The following PTH2R variants were observed in gnomAD, a reference collection of about 807,000 sequenced individuals.
PTH2R encodes PTH2 receptor.
In PTH2R, 59 loss-of-function variants were observed where a neutral mutation model predicts 60.3. The ratio of observed to expected loss-of-function variants is 0.98; its 90% CI spans 0.79 to 1.22. PTH2R has a LOEUF of 1.22. Among genes scored for constraint, PTH2R ranks in the 50% most tolerant of loss-of-function variants. The probability of loss-of-function intolerance (pLI) is 0.00; values close to 1 mark genes in which losing one functional copy is unlikely to be tolerated. For synonymous variants in PTH2R, 256 were observed against 243.8 expected, an observed-to-expected ratio of 1.05 and a Z score of -0.47; for missense variants, 749 against 682.6, an observed-to-expected ratio of 1.10 and a Z score of -1.08.
At chr2:208,370,736 C>T (rs926335639) in intron 1 of PTH2R, among the ~76,000 whole-genome samples, 3 of 151,976 alleles carry the variant, frequency 2.0e-5, no homozygotes, top group Admixed American at 6.5e-5. Context: ...AGTGAAGGAA[C>T]GAACAACCCA....
chr2:208,410,982 A>G (rs1701529195), intron 1 of PTH2R, among the ~76,000 whole-genome samples: 1 of 152,250 alleles, frequency 6.6e-6, no homozygotes, highest in South Asian at 2.1e-4. Context: ...ACAATGGCTC[A>G]TGCCTGTAAT....
chr2:208,407,144 T>C (rs1701432140), intron 1 of PTH2R, 26 bp downstream of exon 1: 2 of 1,400,782 alleles, frequency 1.4e-6, no homozygotes, highest in East Asian at 2.8e-5. Context: ...CCGCGACACC[T>C]GTTTTCGCGG....
chr2:208,409,753 C>T (rs1419784323), intron 1 of PTH2R, among the ~76,000 whole-genome samples: 3 of 152,120 alleles, frequency 2.0e-5, no homozygotes, highest in Non-Finnish European at 4.4e-5. Flanking sequence ...CAGTTCAAAA[C>T]CCGTGCATTC....
At position 208,437,561 on chromosome 2, in the gene PTH2R, A is replaced by T. The variant is rs201789837; in HGVS notation, c.203A>T (p.Asp68Val). The change falls in exon 3 of 13, where the codon GAT becomes GTT. Residue 68 changes from aspartate to valine, a missense_variant. Physicochemically the swap from Asp to Val is radical, Grantham distance 152. Coordinates refer to ENST00000272847, the MANE Select transcript of PTH2R (RefSeq NM_005048.4). ...GAAGGTAATTGTTTCCCTGAATGGG[A>T]TGGACTCATTTGTTGGCCCAGAGGA... The part of the protein sequence containing the change: ...EGEGNCFPEW[D>V]GLICWPRGTV... 10 of 1,611,900 alleles carry T rather than the reference A, an allele frequency of 6.2e-6. No homozygotes were observed. The highest frequency in any genetic ancestry group is 8.5e-6 in the Non-Finnish European group (10 of 1,179,188).
At chr2:208,427,878 ATTATT>A (rs1158672548) in intron 1 of PTH2R, among the ~76,000 whole-genome samples, 3 of 150,864 alleles carry the variant, frequency 2.0e-5, no homozygotes, top group South Asian at 2.1e-4. Context: ...CTCTAATATA[ATTATT>A]TTATTTTAAA....
chr2:208,361,574 A>C (rs1700474463), intron 1 of PTH2R, among the ~76,000 whole-genome samples: 1 of 152,084 alleles, frequency 6.6e-6, no homozygotes, highest in African/African-American at 2.4e-5. Flanking sequence ...CATTTTGCAA[A>C]ACTAAATAAC....
chr2:208,440,450 A>T (rs1185119867), intron 4 of PTH2R, among the ~76,000 whole-genome samples: 1 of 152,110 alleles, frequency 6.6e-6, no homozygotes, highest in Non-Finnish European at 1.5e-5. Context: ...TATTTTTTTT[A>T]AAAGAAACAA....
chr2:208,427,509 A>C (rs1165886098), intron 1 of PTH2R, among the ~76,000 whole-genome samples: 1 of 152,218 alleles, frequency 6.6e-6, no homozygotes, highest in Non-Finnish European at 1.5e-5. Context: ...AAAAATCGTT[A>C]AAGTAAATAT....
intron 7 of PTH2R, among the ~76,000 whole-genome samples, chr2:208,448,806 G>A (rs1194586151): frequency 6.6e-6 from 1 of 151,396 alleles, no homozygotes; most frequent in African/African-American, 2.4e-5. Context: ...ATTAAGACTC[G>A]TGATAAAAAA....
At position 208,493,608 on chromosome 2, in the gene PTH2R, A is replaced by C. The variant is rs754804270; in HGVS notation, c.1602A>C (p.Glu534Asp). The C allele has an allele frequency of 1.3e-6, 2 of 1,595,442 alleles. No individual in the cohort carries two copies. The highest frequency in any genetic ancestry group is 4.5e-5 in the East Asian group (2 of 44,628). Residue 534 changes from glutamate (E) to aspartate (D), a missense_variant, in exon 13 of 13, where the codon GAA (glutamate) becomes GAC (aspartate). Physicochemically the swap from Glu to Asp is conservative, Grantham distance 45. Transcript: ENST00000272847. ...TGGAGAAGCCTTCCAGGCCTATGGA[A>C]TCTAACCCAGACACTGAAGGATGCC... ...ILMEKPSRPM[E>D]SNPDTEGCQG...
intron 4 of PTH2R, among the ~76,000 whole-genome samples, chr2:208,441,418 C>T (rs1023971149): frequency 6.6e-6 from 1 of 152,120 alleles, no homozygotes; most frequent in East Asian, 1.9e-4. Flanking sequence ...TCTTTATATC[C>T]CATTTTCTTG....
At chr2:208,485,796 G>A (rs183006371) in intron 10 of PTH2R, among the ~76,000 whole-genome samples, 1 of 152,236 alleles carries the variant, frequency 6.6e-6, no homozygotes, top group Admixed American at 6.5e-5. Context: ...CCTATGATGG[G>A]GTAGCCTTTC....
intron 1 of PTH2R, among the ~76,000 whole-genome samples, chr2:208,373,749 A>G (rs1574815568): frequency 6.6e-6 from 1 of 152,136 alleles, no homozygotes; most frequent in African/African-American, 2.4e-5. Context: ...CACTGGGACT[A>G]AGGGAGCTCA....
intron 7 of PTH2R, among the ~76,000 whole-genome samples, chr2:208,448,728 T>C (rs1344890385): frequency 6.6e-6 from 1 of 151,278 alleles, no homozygotes; most frequent in Non-Finnish European, 1.5e-5. Context: ...CATTTAAATT[T>C]AAAACAACAT....
chr2:208,486,163 C>T (rs1703269426), intron 10 of PTH2R, among the ~76,000 whole-genome samples: 1 of 152,188 alleles, frequency 6.6e-6, no homozygotes, highest in African/African-American at 2.4e-5. Context: ...TGCCTGGACT[C>T]CTAGCCTATA....
At chr2:208,450,659 A>C (rs1360572725) in intron 7 of PTH2R, 90 bp from the exon 8 acceptor site, 1 of 1,263,266 alleles carries the variant, frequency 7.9e-7, no homozygotes, top group Non-Finnish European at 1.2e-6. Context: ...CTGAACAGCT[A>C]ATAGTATATT....
chr2:208,390,368 C>T (rs1408160107), intron 1 of PTH2R, among the ~76,000 whole-genome samples: 1 of 152,142 alleles, frequency 6.6e-6, no homozygotes, highest in African/African-American at 2.4e-5. Flanking sequence ...CCATTTATGC[C>T]TGATATGTCT....
intron 3 of PTH2R, 38 bp downstream of exon 3, chr2:208,437,685 C>T (rs746301784): frequency 6.2e-7 from 1 of 1,602,660 alleles, no homozygotes; most frequent in Non-Finnish European, 8.5e-7. Flanking sequence ...TTAAAACAAA[C>T]ATTTACTTGT....
chr2:208,483,580 A>G (rs1190168132), intron 10 of PTH2R, among the ~76,000 whole-genome samples: 5 of 152,224 alleles, frequency 3.3e-5, no homozygotes, highest in Non-Finnish European at 7.3e-5. Context: ...ATGGAGGATT[A>G]TTTCCAAGAA....
Sources: allele counts gnomAD v4.1 joint callset (sites outside exome capture counted in the v4.1 genomes callset), GRCh38; gene constraint gnomAD v4.1.1; transcripts MANE v1.5; gene names NCBI Gene and HGNC (gene_info 2026-07-23, HGNC 2026-07-21).